STRBP: variants seen among roughly 807,000 people sequenced by gnomAD.
STRBP encodes the protein spermatid perinuclear RNA binding protein.
STRBP carries 13 observed loss-of-function variants against 80.1 expected under a neutral mutation model. The observed-to-expected ratio is 0.16, with a 90% CI of 0.11 to 0.26. The LOEUF is 0.26. Among genes scored for constraint, STRBP ranks in the 10% least tolerant of loss-of-function variants. The pLI is 1.00. For synonymous variants in STRBP, 284 were observed against 291.2 expected (o/e 0.98, Z 0.25); for missense variants, 485 against 815.2 (o/e 0.59, Z 4.93).
At chr9:123,146,828 C>T in intron 13 of STRBP, 27 bp downstream of exon 13, 3 of 1,549,186 alleles carry the variant, frequency 1.9e-6, no homozygotes, top group Non-Finnish European at 2.6e-6. Context: ...AATAAGAAAG[C>T]ATTGCAAAGT....
chr9:123,225,941 T>C (rs1416988681), intron 2 of STRBP, among the ~76,000 whole-genome samples: 3 of 152,128 alleles, frequency 2.0e-5, no homozygotes, highest in African/African-American at 7.2e-5. Context: ...AATCCAGCGC[T>C]CCCACACCCA....
At chr9:123,221,856 C>T (rs1424529808) in intron 2 of STRBP, among the ~76,000 whole-genome samples, 1 of 152,096 alleles carries the variant, frequency 6.6e-6, no homozygotes, top group African/African-American at 2.4e-5. Context: ...TGACAGATCT[C>T]TATATTGTAA....
chr9:123,144,211 A>AAAAAG (rs1554746851), intron 13 of STRBP, among the ~76,000 whole-genome samples: 10 of 151,610 alleles, frequency 6.6e-5, no homozygotes, highest in African/African-American at 2.4e-4. Context: ...AAAAAAAAAA[A>AAAAAG]AAAGAAAGAA....
At chr9:123,258,500 T>C (rs143968725) in intron 1 of STRBP, among the ~76,000 whole-genome samples, 3 of 152,128 alleles carry the variant, frequency 2.0e-5, no homozygotes, top group Non-Finnish European at 4.4e-5. Flanking sequence ...ATATGCCTGG[T>C]ATGTTAAAGA....
chr9:123,222,341 G>C (rs2040093792), intron 2 of STRBP, among the ~76,000 whole-genome samples: 1 of 151,914 alleles, frequency 6.6e-6, no homozygotes, highest in South Asian at 2.1e-4. Context: ...TCCAGACTTA[G>C]ACAGCACTCT....
At chr9:123,117,339 C>G (rs1259695928), downstream of STRBP, among the ~76,000 whole-genome samples, 1 of 152,102 alleles carries the variant, frequency 6.6e-6, no homozygotes, top group East Asian at 1.9e-4. Context: ...GAAAAGGATC[C>G]CGCAGCCATC....
chr9:123,241,481 C>G (rs546592217), intron 1 of STRBP, among the ~76,000 whole-genome samples: 1 of 152,044 alleles, frequency 6.6e-6, no homozygotes, highest in Admixed American at 6.5e-5. Flanking sequence ...TGCACTCCAG[C>G]CAGGGTAACA....
chr9:123,237,293 CA>C (rs2040590090), intron 1 of STRBP, among the ~76,000 whole-genome samples: 1 of 152,098 alleles, frequency 6.6e-6, no homozygotes, highest in African/African-American at 2.4e-5. Flanking sequence ...TTCCAAATAA[CA>C]GAGTTGTAGC....
At chr9:123,248,297 T>C (rs1359692637) in intron 1 of STRBP, among the ~76,000 whole-genome samples, 1 of 131,118 alleles carries the variant, frequency 7.6e-6, no homozygotes, top group Admixed American at 8.9e-5. Flanking sequence ...AGATGGAGTC[T>C]CACCCTATTG....
chr9:123,166,124 A>C (rs2037747776), intron 6 of STRBP, among the ~76,000 whole-genome samples: 1 of 152,220 alleles, frequency 6.6e-6, no homozygotes, highest in Non-Finnish European at 1.5e-5. Flanking sequence ...CACCTGAATT[A>C]TAAGCTATAC....
intron 13 of STRBP, among the ~76,000 whole-genome samples, chr9:123,140,357 A>C (rs2036537325): frequency 6.6e-6 from 1 of 152,152 alleles, no homozygotes; most frequent in South Asian, 2.1e-4. Flanking sequence ...CACTTTGGGA[A>C]GCCAAGGCGG....
At chr9:123,209,978 C>T (rs1012939305) in intron 2 of STRBP, among the ~76,000 whole-genome samples, 1 of 152,110 alleles carries the variant, frequency 6.6e-6, no homozygotes, top group African/African-American at 2.4e-5. Flanking sequence ...ACCAGTGAAC[C>T]TTATTCAGAT....
At chr9:123,219,428 T>A (rs933566507) in intron 2 of STRBP, among the ~76,000 whole-genome samples, 2 of 152,212 alleles carry the variant, frequency 1.3e-5, no homozygotes, top group Non-Finnish European at 2.9e-5. Context: ...TGCATTAAAC[T>A]CTTTTAGTAA....
chr9:123,161,797 G>A (rs2037533110), intron 6 of STRBP, among the ~76,000 whole-genome samples: 3 of 152,150 alleles, frequency 2.0e-5, no homozygotes, highest in Admixed American at 1.3e-4. Context: ...ATAATTTAAA[G>A]TTGGATTAAA....
chr9:123,238,954 A>G (rs1244686195), intron 1 of STRBP, among the ~76,000 whole-genome samples: 6 of 152,264 alleles, frequency 3.9e-5, no homozygotes, highest in Non-Finnish European at 8.8e-5. Flanking sequence ...AAATTCGATC[A>G]TAACATTACA....
At chr9:123,128,358 G>T in intron 17 of STRBP, 100 bp from the exon 18 acceptor site, 2 of 1,344,466 alleles carry the variant, frequency 1.5e-6, no homozygotes, top group Non-Finnish European at 2.1e-6. Flanking sequence ...GGGCCCGGAG[G>T]ACTTCTTCCA....
At chr9:123,143,313 G>A (rs2036671966) in intron 13 of STRBP, among the ~76,000 whole-genome samples, 1 of 152,228 alleles carries the variant, frequency 6.6e-6, no homozygotes, top group Non-Finnish European at 1.5e-5. Flanking sequence ...TAGAGAAGTG[G>A]AAGAGTGAAG....
At chr9:123,157,939 AATGAGAG>A in intron 11 of STRBP, 66 bp downstream of exon 11, 1 of 1,078,220 alleles carries the variant, frequency 9.3e-7, no homozygotes, top group Non-Finnish European at 1.4e-6. Context: ...CCTAAGTTGT[AATGAGAG>A]ATGAATCCCA....
chr9:123,249,558 T>C (rs2040869197), intron 1 of STRBP, among the ~76,000 whole-genome samples: 1 of 152,116 alleles, frequency 6.6e-6, no homozygotes, highest in African/African-American at 2.4e-5. Flanking sequence ...GGAGGATCAC[T>C]TGAGCCCAGG....
Sources: gnomAD v4.1 joint callset for allele counts (sites outside exome capture counted in the v4.1 genomes callset) on GRCh38, gnomAD v4.1.1 for gene constraint, MANE v1.5 for transcripts, NCBI Gene and HGNC (gene_info 2026-07-23, HGNC 2026-07-21) for gene names.